Variants in KCNH1 observed in about 807,000 individuals in gnomAD.
The protein encoded by KCNH1 is voltage-gated delayed rectifier potassium channel KCNH1.
KCNH1 carries 27 observed loss-of-function variants against 69.2 expected under a neutral mutation model. The ratio of observed to expected loss-of-function variants is 0.39; its 90% CI spans 0.29 to 0.54. The LOEUF (loss-of-function observed/expected upper bound fraction) is 0.54, where lower values mean the gene tolerates loss of function less well. Among genes scored for constraint, KCNH1 ranks in the 20% least tolerant of loss-of-function variants. The probability of loss-of-function intolerance (pLI) is 0.68; values close to 1 mark genes in which losing one functional copy is unlikely to be tolerated. For synonymous variants in KCNH1, 456 were observed against 487.7 expected (o/e 0.93, Z 0.86); for missense variants, 798 against 1,261.6 (o/e 0.63, Z 5.57).
intron 7 of KCNH1, among the ~76,000 whole-genome samples, chr1:210,805,997 G>C (rs764891381): frequency 6.6e-6 from 1 of 152,248 alleles, no homozygotes; most frequent in South Asian, 2.1e-4. Flanking sequence ...TGGGCATTTG[G>C]GTTGTTTCTG....
chr1:210,683,771 C>T lies in KCNH1; in HGVS notation c.2480G>A (p.Gly827Asp), dbSNP rs764030459. Residue 827 changes from glycine (G) to aspartate (D), a missense_variant, in exon 11 of 11, where the codon GGC (glycine) becomes GAC (aspartate). Coordinates refer to ENST00000271751, the MANE Select transcript of KCNH1 (RefSeq NM_172362.3). The surrounding 1 kb of genome is among the most constrained non-coding windows in gnomAD (Gnocchi z 5.7). The stretch of plus-strand genomic sequence containing the variant: ...TTTGCGCTTGGCACAATCGCCCCCG[C>T]CCCCCTTGGGGCCCAGGCACTCGGA... ...PGSECLGPKG[G>D]GGDCAKRKSW... 1.9e-6 allele frequency: 3 copies of T among 1,613,844 alleles called. No homozygotes were observed. The highest frequency in any genetic ancestry group is 2.5e-6 in the Non-Finnish European group (3 of 1,180,044).
At chr1:210,926,227 C>A (rs1687570255) in intron 6 of KCNH1, among the ~76,000 whole-genome samples, 1 of 152,102 alleles carries the variant, frequency 6.6e-6, no homozygotes, top group South Asian at 2.1e-4. Context: ...AGCACCATTG[C>A]CCTCCAGCCT....
intron 6 of KCNH1, among the ~76,000 whole-genome samples, chr1:210,951,382 T>C (rs1298036075): frequency 2.6e-5 from 4 of 152,212 alleles, no homozygotes; most frequent in Admixed American, 2.0e-4. Context: ...TGCTAATATA[T>C]GTCAAGGAGA....
Position 210,725,614 on chromosome 1 carries a change from T to C in KCNH1, c.2113-41476A>G, listed in dbSNP as rs374617987. ...GAAATCTGCACAGAGGTATGAACGA[T>C]GAACAGGCTTTTAATGCTGTAGAAG... is the stretch of plus-strand genomic sequence containing the variant. On this transcript the variant is annotated intron_variant, in intron 10 of 10. Coordinates refer to ENST00000271751, the MANE Select transcript of KCNH1 (RefSeq NM_172362.3). Among the ~76,000 whole-genome samples the C allele has an allele frequency of 5.9e-5, 9 of 152,284 alleles. No homozygotes were observed. The East Asian group carries it at 1.5e-3, about 26-fold the overall frequency.
chr1:211,025,703 C>T (rs746038604), intron 5 of KCNH1, among the ~76,000 whole-genome samples: 29 of 152,146 alleles, frequency 1.9e-4, no homozygotes, highest in Admixed American at 3.3e-4. Flanking sequence ...AATCTAAGCC[C>T]GGGGCATAAA....
At chr1:210,713,945 C>T (rs1682146224) in intron 10 of KCNH1, among the ~76,000 whole-genome samples, 1 of 152,188 alleles carries the variant, frequency 6.6e-6, no homozygotes, top group South Asian at 2.1e-4. Flanking sequence ...GCCTAGGGTT[C>T]ACATATTATC....
intron 6 of KCNH1, among the ~76,000 whole-genome samples, chr1:210,997,144 G>A (rs191570332): frequency 3.9e-5 from 6 of 152,282 alleles, no homozygotes; most frequent in African/African-American, 9.6e-5. Context: ...CACCAGCAAC[G>A]GAACAAAGCT....
intron 8 of KCNH1, among the ~76,000 whole-genome samples, chr1:210,801,635 G>T (rs938254916): frequency 6.6e-6 from 1 of 152,212 alleles, no homozygotes; most frequent in Non-Finnish European, 1.5e-5. Flanking sequence ...GTGAGGGTGG[G>T]GAAGGGCTTC....
chr1:210,917,229 G>GAGAC (rs1430374011), intron 7 of KCNH1, among the ~76,000 whole-genome samples: 1 of 78,800 alleles, frequency 1.3e-5, no homozygotes, highest in African/African-American at 5.2e-5. Context: ...GAGAGAGAGA[G>GAGAC]AGAAAGAAAG....
At chr1:210,728,355 GAATAGTGAAATGAATA>G (rs1682659805) in intron 10 of KCNH1, among the ~76,000 whole-genome samples, 1 of 152,184 alleles carries the variant, frequency 6.6e-6, no homozygotes, top group Non-Finnish European at 1.5e-5. Flanking sequence ...AATGAATGGT[GAATAGTGAAATGAATA>G]AATAGATGAT....
At chr1:210,917,337 C>CAG (rs1687368425) in intron 7 of KCNH1, among the ~76,000 whole-genome samples, 1 of 149,422 alleles carries the variant, frequency 6.7e-6, no homozygotes, top group Non-Finnish European at 1.5e-5. Flanking sequence ...GACAGAGACA[C>CAG]AGAGAGAGAG....
At chr1:211,081,614 A>G (rs1256930043) in intron 5 of KCNH1, among the ~76,000 whole-genome samples, 3 of 152,242 alleles carry the variant, frequency 2.0e-5, no homozygotes, top group African/African-American at 7.2e-5. Flanking sequence ...TGTGGCACAT[A>G]TACACCATGG....
At chr1:211,000,613 A>G (rs962304704) in intron 6 of KCNH1, among the ~76,000 whole-genome samples, 2 of 152,234 alleles carry the variant, frequency 1.3e-5, no homozygotes, top group Admixed American at 6.5e-5. Flanking sequence ...ATTCAATGCC[A>G]TCCCCATCAA....
intron 10 of KCNH1, among the ~76,000 whole-genome samples, chr1:210,703,965 C>T (rs958696532): frequency 6.6e-6 from 1 of 152,288 alleles, no homozygotes; most frequent in South Asian, 2.1e-4. Flanking sequence ...TAAAGTGCAG[C>T]GTGCACCCCC....
chr1:210,955,887 C>G (rs1228654352), intron 6 of KCNH1, among the ~76,000 whole-genome samples: 4 of 152,034 alleles, frequency 2.6e-5, no homozygotes, highest in Non-Finnish European at 5.9e-5. Context: ...AATTGAATAC[C>G]CTTTATTTCC....
At chr1:211,066,464 TATC>T (rs1387776721) in intron 5 of KCNH1, among the ~76,000 whole-genome samples, 14 of 152,208 alleles carry the variant, frequency 9.2e-5, no homozygotes, top group African/African-American at 2.9e-4. Flanking sequence ...CTAAAGGTAA[TATC>T]ATCAATATTT....
At chr1:210,813,521 A>C (rs1305418870) in intron 7 of KCNH1, among the ~76,000 whole-genome samples, 1 of 152,212 alleles carries the variant, frequency 6.6e-6, no homozygotes, top group Admixed American at 6.5e-5. Context: ...ATTCAATTTC[A>C]TCCAGCCCAT....
At position 210,717,955 on chromosome 1, in the gene KCNH1, A is replaced by AAGTT. The variant is rs139334357; in HGVS notation, c.2113-33821_2113-33818dup. Reference sequence around the variant, plus strand: ...AACCCCATGTCTACTAAAAATATAAAAGTTAGCCAGGCGTGGTGGTGTGCA... The same window carrying AAGTT: ...AACCCCATGTCTACTAAAAATATAAAAGTTAGTTAGCCAGGCGTGGTGGTGTGCA... On this transcript the variant is annotated intron_variant, in intron 10 of 10. Coordinates refer to ENST00000271751, the MANE Select transcript of KCNH1 (RefSeq NM_172362.3). Among the ~76,000 whole-genome samples the AAGTT allele has an allele frequency of 4.6e-3, 697 of 152,016 alleles. 3 individuals carry two copies. The highest frequency in any genetic ancestry group is 0.016 in the African/African-American group (653 of 41,450).
intron 1 of KCNH1, among the ~76,000 whole-genome samples, chr1:211,115,254 G>C (rs988672339): frequency 6.6e-6 from 1 of 152,180 alleles, no homozygotes; most frequent in African/African-American, 2.4e-5. Flanking sequence ...CTCCCAAAGT[G>C]CTGGGATTAC....
Sources: gnomAD v4.1 joint callset for allele counts (sites outside exome capture counted in the v4.1 genomes callset) on GRCh38, gnomAD v4.1.1 for gene constraint, Gnocchi (gnomAD v3.1) non-coding constraint, MANE v1.5 for transcripts, NCBI Gene and HGNC (gene_info 2026-07-23, HGNC 2026-07-21) for gene names.